Variants in TMEM178B observed in about 807,000 individuals in gnomAD.
TMEM178B encodes the protein transmembrane protein 178B.
In TMEM178B, 5 loss-of-function variants were observed where a neutral mutation model predicts 31.0. That is an observed-to-expected ratio of 0.16 (90% CI 0.08 to 0.34). The LOEUF is 0.34. TMEM178B is among the 10% of genes least tolerant of loss of function. The pLI is 1.00. For missense variants in TMEM178B, 275 were observed against 400.3 expected (o/e 0.69, Z 2.67); for synonymous variants, 164 against 164.0 (o/e 1.00, Z 0.00).
chr7:141,421,304 A>G (rs1234222830), intron 2 of TMEM178B, among the ~76,000 whole-genome samples: 1 of 152,150 alleles, frequency 6.6e-6, no homozygotes, highest in East Asian at 1.9e-4. Context: ...TCACATTTCC[A>G]CTTTGTAAAG....
downstream of TMEM178B, among the ~76,000 whole-genome samples, chr7:141,480,780 A>T (rs1304879748): frequency 1.3e-5 from 2 of 152,204 alleles, no homozygotes; most frequent in African/African-American, 4.8e-5. Flanking sequence ...CCTAGTCTTC[A>T]TCAGCTTTGT....
chr7:141,312,984 TA>T (rs1798939809), intron 2 of TMEM178B, among the ~76,000 whole-genome samples: 1 of 152,178 alleles, frequency 6.6e-6, no homozygotes, highest in Admixed American at 6.5e-5. Context: ...AGGGAGAAGA[TA>T]AAGAATGCCT....
intron 1 of TMEM178B, among the ~76,000 whole-genome samples, chr7:141,206,059 G>A (rs189930226): frequency 7.2e-5 from 11 of 152,304 alleles, no homozygotes; most frequent in African/African-American, 2.6e-4. Context: ...TTATTTCTGA[G>A]TTCCTGTGTT....
intron 2 of TMEM178B, among the ~76,000 whole-genome samples, chr7:141,234,990 A>C (rs1766510641): frequency 1.3e-5 from 2 of 152,242 alleles, no homozygotes; most frequent in South Asian, 2.1e-4. Context: ...CAAGCCACCA[A>C]ATCCTAAGGC....
intron 2 of TMEM178B, among the ~76,000 whole-genome samples, chr7:141,376,883 A>G (rs867825731): frequency 3.3e-5 from 5 of 152,322 alleles, no homozygotes; most frequent in Middle Eastern, 6.8e-3. Flanking sequence ...GAGAAATTTG[A>G]ATATGATAAA....
intron 2 of TMEM178B, among the ~76,000 whole-genome samples, chr7:141,426,268 G>C (rs938575862): frequency 6.6e-6 from 1 of 152,174 alleles, no homozygotes; most frequent in Non-Finnish European, 1.5e-5. Flanking sequence ...TAAATATTTA[G>C]TGAGCACCTG....
At chr7:141,284,525 A>G (rs1259773724) in intron 2 of TMEM178B, among the ~76,000 whole-genome samples, 1 of 152,172 alleles carries the variant, frequency 6.6e-6, no homozygotes, top group Non-Finnish European at 1.5e-5. Flanking sequence ...TAATTTATTT[A>G]ATTTATCGTT....
the TMEM178B span, among the ~76,000 whole-genome samples, chr7:141,493,708 T>G: frequency 1.3e-5 from 2 of 152,258 alleles, no homozygotes; most frequent in Non-Finnish European, 2.9e-5. Flanking sequence ...TCTCTTTTTT[T>G]CATCTTCCAA....
At chr7:141,324,589 C>G (rs1010135646) in intron 2 of TMEM178B, among the ~76,000 whole-genome samples, 6 of 151,656 alleles carry the variant, frequency 4.0e-5, no homozygotes, top group South Asian at 2.1e-4. Flanking sequence ...GCATCCCATG[C>G]CTTTGAGCAA....
intron 2 of TMEM178B, among the ~76,000 whole-genome samples, chr7:141,260,859 G>A (rs1372011736): frequency 1.3e-5 from 2 of 152,212 alleles, no homozygotes; most frequent in Non-Finnish European, 2.9e-5. Context: ...CCACTTTGGA[G>A]TAACCCCACA....
chr7:141,303,583 A>G (rs1474727079), intron 2 of TMEM178B, among the ~76,000 whole-genome samples: 2 of 152,174 alleles, frequency 1.3e-5, no homozygotes, highest in Admixed American at 6.5e-5. Flanking sequence ...TAATTGAGAG[A>G]TGAGGCCTGA....
intron 1 of TMEM178B, among the ~76,000 whole-genome samples, chr7:141,197,568 A>G (rs1008399938): frequency 7.9e-5 from 12 of 152,240 alleles, no homozygotes; most frequent in African/African-American, 2.9e-4. Flanking sequence ...AGGTATAAAG[A>G]GAAACATAAT....
At chr7:141,362,880 G>A (rs1175005567) in intron 2 of TMEM178B, among the ~76,000 whole-genome samples, 1 of 152,206 alleles carries the variant, frequency 6.6e-6, no homozygotes, top group Non-Finnish European at 1.5e-5. Context: ...GTCAGTGCAT[G>A]TCATCCAGAT....
chr7:141,088,515 C>G (rs1470311301), intron 1 of TMEM178B, among the ~76,000 whole-genome samples: 1 of 152,162 alleles, frequency 6.6e-6, no homozygotes, highest in Non-Finnish European at 1.5e-5. Flanking sequence ...TCAGTCTCAG[C>G]CACGTCTAGG....
intron 2 of TMEM178B, among the ~76,000 whole-genome samples, chr7:141,222,671 T>C (rs901224546): frequency 6.6e-6 from 1 of 152,132 alleles, no homozygotes; most frequent in African/African-American, 2.4e-5. Flanking sequence ...CTTTTCTGTT[T>C]GACTCTGTGC....
chr7:141,434,971 G>A (rs1190497102), intron 2 of TMEM178B, among the ~76,000 whole-genome samples: 1 of 152,172 alleles, frequency 6.6e-6, no homozygotes, highest in Non-Finnish European at 1.5e-5. Flanking sequence ...GTATTCCATT[G>A]TGTATATGTA....
chr7:141,315,084 C>T (rs1273669197), intron 2 of TMEM178B, among the ~76,000 whole-genome samples: 1 of 152,190 alleles, frequency 6.6e-6, no homozygotes, highest in Non-Finnish European at 1.5e-5. Context: ...GGCATGTATC[C>T]AATCAGTTGC....
chr7:141,376,500 T>C (rs917350315), intron 2 of TMEM178B, among the ~76,000 whole-genome samples: 6 of 152,224 alleles, frequency 3.9e-5, no homozygotes, highest in African/African-American at 1.4e-4. Context: ...ATGTCTTTGA[T>C]CTAATTAAAT....
chr7:141,074,319 C>T lies in TMEM178B; in HGVS notation c.9C>T (p.Ala3=), dbSNP rs1794559379. The change falls in exon 1 of 4, where the codon GCC becomes GCT. Residue 3 remains alanine (A), a synonymous_variant. Coordinates refer to ENST00000565468, the MANE Select transcript of TMEM178B (RefSeq NM_001195278.2). This position sits in a 1 kb window ranked among gnomAD's most constrained non-coding sequence, Gnocchi z 5.1. MA[A]GRLLLYTGLS... Reference sequence around the variant, plus strand: ...AGCCGCCAAGCGGAGGCATGGCTGCCGGAAGGTTACTGCTCTACACTGGCC... The same window carrying T: ...AGCCGCCAAGCGGAGGCATGGCTGCTGGAAGGTTACTGCTCTACACTGGCC... 5 of 1,517,246 alleles carry T rather than the reference C, an allele frequency of 3.3e-6. No homozygotes were observed. Among genetic ancestry groups the T allele is most frequent in the Non-Finnish European group, 4.4e-6 (5 of 1,133,982 alleles). The allele number at this position is 1,517,246 out of a possible 1,614,324, so 94.0% of individuals were successfully genotyped here. A position where few individuals can be genotyped will look rare whatever the true frequency, so the allele number is the denominator to read the frequency against.
Sources: allele counts gnomAD v4.1 joint callset (sites outside exome capture counted in the v4.1 genomes callset), GRCh38; gene constraint gnomAD v4.1.1; non-coding constraint Gnocchi (gnomAD v3.1); transcripts MANE v1.5; gene names NCBI Gene and HGNC (gene_info 2026-07-23, HGNC 2026-07-21).